Variants in NALCN observed in about 807,000 individuals in gnomAD.
The protein encoded by NALCN is sodium leak channel NALCN.
In NALCN, 111 loss-of-function variants were observed where a neutral mutation model predicts 225.3. That is an observed-to-expected ratio of 0.49 (90% CI 0.42 to 0.58). The LOEUF is 0.58. Ranked by LOEUF, NALCN falls within the 20% of genes least tolerant of loss-of-function variation. The pLI is 0.00. For missense variants in NALCN, 1,378 were observed against 2,202.4 expected, an observed-to-expected ratio of 0.63 and a Z score of 7.49; for synonymous variants, 764 against 769.0, an observed-to-expected ratio of 0.99 and a Z score of 0.11.
intron 18 of NALCN, among the ~76,000 whole-genome samples, chr13:101,114,570 G>A (rs140672006): frequency 1.3e-5 from 2 of 152,136 alleles, no homozygotes; most frequent in African/African-American, 4.8e-5. Flanking sequence ...TGGAACTGAG[G>A]CCTTCATATC....
intron 15 of NALCN, among the ~76,000 whole-genome samples, chr13:101,153,531 A>G (rs200212149): frequency 1.3e-5 from 2 of 152,222 alleles, no homozygotes; most frequent in African/African-American, 4.8e-5. Flanking sequence ...TCTCCTGATC[A>G]TGCCTCCTTT....
chr13:101,068,687 T>A lies in NALCN; in HGVS notation c.4330+8A>T, dbSNP rs377084771. On this transcript the variant is annotated splice_region_variant and intron_variant, in intron 38 of 43. Transcript: ENST00000251127. ...AAGAGTAAAAAGTATTCAACTAACA[T>A]CACTTACCTACAAGCAGATTTAGCA... The A allele has an allele frequency of 6.3e-7, 1 of 1,588,608 alleles. No homozygotes were observed. The highest frequency in any genetic ancestry group is 1.4e-5 in the African/African-American group (1 of 73,974).
Position 101,342,875 on chromosome 13 carries a change from G to A in NALCN, c.799+2391C>T, listed in dbSNP as rs567171165. 8.1e-4 allele frequency among the ~76,000 whole-genome samples: 124 copies of A among 152,198 alleles called. 1 individual carries two copies. The highest frequency in any genetic ancestry group is 2.8e-3 in the African/African-American group (115 of 41,532). ...AAATTTGAATTTTTCAACATCATCAGTGTTAAATCTTAATGAGACATAAAG... is the reference window on the plus strand; with the variant it reads ...AAATTTGAATTTTTCAACATCATCAATGTTAAATCTTAATGAGACATAAAG... On this transcript the variant is annotated intron_variant, in intron 7 of 43. Coordinates refer to ENST00000251127, the MANE Select transcript of NALCN (RefSeq NM_052867.4).
chr13:101,296,177 T>C (rs2043748755), intron 7 of NALCN, among the ~76,000 whole-genome samples: 1 of 150,578 alleles, frequency 6.6e-6, no homozygotes, highest in Non-Finnish European at 1.5e-5. Context: ...ATTCTCTACC[T>C]TGTTTGTTTC....
intron 1 of NALCN, among the ~76,000 whole-genome samples, chr13:101,400,403 A>C (rs1416164211): frequency 1.3e-5 from 2 of 152,166 alleles, no homozygotes; most frequent in East Asian, 3.9e-4. Flanking sequence ...AGGCTGAGTC[A>C]GGAAAACGTA....
intron 10 of NALCN, among the ~76,000 whole-genome samples, chr13:101,280,454 C>T (rs779825899): frequency 2.0e-5 from 3 of 152,148 alleles, no homozygotes; most frequent in Non-Finnish European, 4.4e-5. Context: ...TCGATTTTGT[C>T]ATCACACTTC....
chr13:101,404,549 C>A (rs1242350710), intron 1 of NALCN, among the ~76,000 whole-genome samples: 1 of 151,538 alleles, frequency 6.6e-6, no homozygotes, highest in African/African-American at 2.4e-5. Context: ...TGCCACCGAA[C>A]AAGGGGCTGC....
chr13:101,253,573 G>A (rs916591325), intron 11 of NALCN, among the ~76,000 whole-genome samples: 1 of 151,724 alleles, frequency 6.6e-6, no homozygotes, highest in African/African-American at 2.4e-5. Context: ...GAACATAATG[G>A]GCCCCCCAAA....
At chr13:101,260,923 G>A (rs1214113154) in intron 10 of NALCN, among the ~76,000 whole-genome samples, 1 of 152,112 alleles carries the variant, frequency 6.6e-6, no homozygotes, top group Non-Finnish European at 1.5e-5. Context: ...GTGCTTATGG[G>A]GGTATTGCTC....
chr13:101,331,199 G>A (rs1421156652), intron 7 of NALCN, among the ~76,000 whole-genome samples: 2 of 151,898 alleles, frequency 1.3e-5, no homozygotes. Flanking sequence ...AACCACACAA[G>A]AAAATGAACT....
chr13:101,345,480 G>C, intron 6 of NALCN, 60 bp from the exon 7 acceptor site: 4 of 1,533,688 alleles, frequency 2.6e-6, no homozygotes, highest in Non-Finnish European at 3.6e-6. Flanking sequence ...TGATTACAAT[G>C]AATAATGTAA....
chr13:101,062,666 T>C (rs662458), intron 40 of NALCN, among the ~76,000 whole-genome samples: 115,809 of 152,074 alleles, frequency 0.76, 44,922 homozygotes, highest in African/African-American at 0.88. Context: ...TGTAATGGCG[T>C]GCTGTCAGCT....
intron 1 of NALCN, among the ~76,000 whole-genome samples, chr13:101,408,413 T>C (rs1207473960): frequency 6.6e-6 from 1 of 152,094 alleles, no homozygotes; most frequent in Non-Finnish European, 1.5e-5. Flanking sequence ...CTATGTTTTC[T>C]CTCTTAAACT....
intron 7 of NALCN, among the ~76,000 whole-genome samples, chr13:101,296,632 G>A (rs1169623202): frequency 2.0e-5 from 3 of 152,120 alleles, no homozygotes; most frequent in Non-Finnish European, 2.9e-5. Context: ...CCATATTTTT[G>A]TTAAATGAAA....
rs748155967 is a variant in NALCN at position 101,283,994 on chromosome 13, C to T, written c.1073G>A (p.Gly358Asp). The change falls in exon 10 of 44, where the codon GGT becomes GAT. Residue 358 changes from glycine to aspartate, a missense_variant. Coordinates refer to ENST00000251127, the MANE Select transcript of NALCN (RefSeq NM_052867.4). ...GACATCCACAGCTACCAGCTGCCAA[C>T]CTCCAGCAGCATCTTCATGAAACAT... ...TQMFHEDAAG[G>D]WQLVAVDVNK... The T allele has an allele frequency of 3.1e-6, 5 of 1,613,478 alleles. No individual in the cohort carries two copies. The South Asian group carries it at 5.5e-5, about 18-fold the overall frequency.
At chr13:101,313,690 G>C (rs1350015083) in intron 7 of NALCN, among the ~76,000 whole-genome samples, 1 of 152,180 alleles carries the variant, frequency 6.6e-6, no homozygotes, top group African/African-American at 2.4e-5. Context: ...TGGAGAAACA[G>C]GAACACTTTT....
At chr13:101,060,982 G>T (rs582504) in intron 41 of NALCN, among the ~76,000 whole-genome samples, 19,591 of 152,138 alleles carry the variant, frequency 0.13, 2,124 homozygotes, top group African/African-American at 0.3. Context: ...AAATACATGT[G>T]TCTGCAATTG....
At chr13:101,150,134 G>A (rs2037566972) in intron 15 of NALCN, among the ~76,000 whole-genome samples, 1 of 136,016 alleles carries the variant, frequency 7.4e-6, no homozygotes, top group Non-Finnish European at 1.6e-5. Flanking sequence ...GGAGCCAGAC[G>A]CAACAACAGA....
At chr13:101,376,599 G>A (rs1271751943) in intron 6 of NALCN, 101 bp downstream of exon 6, 5 of 1,210,684 alleles carry the variant, frequency 4.1e-6, no homozygotes, top group Admixed American at 2.3e-5. Flanking sequence ...GAGGACATAA[G>A]CACTGTTTAA....
Sources: allele counts gnomAD v4.1 joint callset (sites outside exome capture counted in the v4.1 genomes callset), GRCh38; gene constraint gnomAD v4.1.1; transcripts MANE v1.5; gene names NCBI Gene and HGNC (gene_info 2026-07-23, HGNC 2026-07-21).